The following PIBF1 variants were observed in gnomAD, a reference collection of about 807,000 sequenced individuals.
PIBF1 encodes the protein progesterone immunomodulatory binding factor 1, also known as progesterone-induced-blocking factor 1.
PIBF1 carries 90 observed loss-of-function variants against 112.5 expected under a neutral mutation model. The ratio of observed to expected loss-of-function variants is 0.80; its 90% CI spans 0.67 to 0.95. PIBF1 has a LOEUF of 0.95. PIBF1 is among the 40% of genes least tolerant of loss of function. The pLI is 0.00. For missense variants in PIBF1, 915 were observed against 852.3 expected (o/e 1.07, Z -0.92); for synonymous variants, 301 against 288.6 (o/e 1.04, Z -0.44).
rs1399745576 is a variant in PIBF1, at chr13:72,859,210, G to A, written c.1322+5055G>A. 2.6e-5 allele frequency among the ~76,000 whole-genome samples: 4 copies of A among 152,148 alleles called. No homozygotes were observed. The East Asian group carries it at 7.7e-4, about 29-fold the overall frequency. ...TGCTGAAAGAAGCAAGTATCACCAA[G>A]AGTTAGGATGGGTTCTCTAAAAATA... On this transcript the variant is annotated intron_variant, in intron 10 of 17. Coordinates refer to ENST00000326291, the MANE Select transcript of PIBF1 (RefSeq NM_006346.4).
At chr13:72,944,862 G>A (rs796101243) in intron 14 of PIBF1, among the ~76,000 whole-genome samples, 27 of 152,212 alleles carry the variant, frequency 1.8e-4, no homozygotes, top group African/African-American at 5.8e-4. Context: ...TGCCTCCCTG[G>A]TTCAAGCGAT....
At chr13:72,956,559 A>ATCTG (rs2138875432) in intron 14 of PIBF1, among the ~76,000 whole-genome samples, 1 of 152,296 alleles carries the variant, frequency 6.6e-6, no homozygotes, top group South Asian at 2.1e-4. Flanking sequence ...AATTTGATCT[A>ATCTG]TCTGTGGCAT....
At chr13:72,796,018 T>G (rs1162986868) in intron 4 of PIBF1, among the ~76,000 whole-genome samples, 1 of 152,180 alleles carries the variant, frequency 6.6e-6, no homozygotes, top group African/African-American at 2.4e-5. Context: ...CTCAAATATT[T>G]TGGTGTCAGC....
intron 5 of PIBF1, among the ~76,000 whole-genome samples, chr13:72,798,949 A>G (rs1010557142): frequency 2.6e-5 from 4 of 152,202 alleles, no homozygotes; most frequent in Non-Finnish European, 4.4e-5. Context: ...TATTCTGAGC[A>G]TGTGTACTGA....
intron 6 of PIBF1, among the ~76,000 whole-genome samples, chr13:72,825,863 T>C (rs1280725809): frequency 6.8e-6 from 1 of 147,328 alleles, no homozygotes; most frequent in East Asian, 2.0e-4. Flanking sequence ...CCCAGGACTT[T>C]AAGACTAGCC....
chr13:72,934,737 T>G (rs1418909193), intron 14 of PIBF1, among the ~76,000 whole-genome samples: 5 of 152,170 alleles, frequency 3.3e-5, no homozygotes, highest in Non-Finnish European at 1.5e-5. Context: ...TTTATTGAAG[T>G]ATAATTGATA....
intron 14 of PIBF1, among the ~76,000 whole-genome samples, chr13:72,949,939 A>T (rs1594255250): frequency 6.6e-6 from 1 of 152,216 alleles, no homozygotes; most frequent in Admixed American, 6.5e-5. Context: ...ATTATAAAGG[A>T]TACTAGAGAA....
intron 5 of PIBF1, among the ~76,000 whole-genome samples, chr13:72,809,834 C>G (rs536615940): frequency 6.6e-5 from 10 of 152,102 alleles, no homozygotes; most frequent in Admixed American, 2.6e-4. Context: ...AGCGATCTGC[C>G]TGCCCTGGCC....
intron 16 of PIBF1, among the ~76,000 whole-genome samples, chr13:72,995,611 C>G (rs888284686): frequency 3.7e-4 from 56 of 152,014 alleles, no homozygotes; most frequent in African/African-American, 1.4e-3. Context: ...ATATGTTTTA[C>G]CATAAGCCAG....
At chr13:73,014,665 G>A (rs1422943568) in intron 17 of PIBF1, among the ~76,000 whole-genome samples, 6 of 152,068 alleles carry the variant, frequency 3.9e-5, no homozygotes, top group Admixed American at 1.3e-4. Context: ...GTGTGGAGCC[G>A]GAGAGTATAT....
At chr13:72,885,186 C>T (rs1312900456) in intron 10 of PIBF1, among the ~76,000 whole-genome samples, 1 of 152,008 alleles carries the variant, frequency 6.6e-6, no homozygotes, top group East Asian at 1.9e-4. Context: ...TAGCCATTAT[C>T]CACACTGTAT....
intron 13 of PIBF1, among the ~76,000 whole-genome samples, chr13:72,928,619 T>C (rs1450340804): frequency 1.3e-5 from 2 of 152,096 alleles, no homozygotes; most frequent in East Asian, 1.9e-4. Flanking sequence ...TTTGTATTTT[T>C]AGTAGAGACA....
intron 10 of PIBF1, among the ~76,000 whole-genome samples, chr13:72,856,481 GA>G (rs887875845): frequency 6.6e-6 from 1 of 151,758 alleles, no homozygotes; most frequent in African/African-American, 2.4e-5. Context: ...TCAAGACAAG[GA>G]AAAAAAGGTG....
chr13:72,792,557 G>A lies in PIBF1; in HGVS notation c.353+10G>A. 1 of 1,236,142 alleles carries A rather than the reference G, an allele frequency of 8.1e-7. No individual in the cohort carries two copies. Among genetic ancestry groups the A allele is most frequent in the Non-Finnish European group, 1.1e-6 (1 of 887,862 alleles). The allele number at this position is 1,236,142 out of a possible 1,614,324, so 76.6% of individuals were successfully genotyped here. On this transcript the variant is annotated intron_variant, in intron 3 of 17. Transcript: ENST00000326291. ...AACAGAAAGATGCCAGGTAAGAAAA[G>A]TTTTTTTTAAAAAAAAAACAACATC... is the stretch of plus-strand genomic sequence containing the variant.
chr13:72,903,539 G>A (rs1325308754), intron 11 of PIBF1, among the ~76,000 whole-genome samples: 1 of 152,168 alleles, frequency 6.6e-6, no homozygotes, highest in Non-Finnish European at 1.5e-5. Context: ...CTTGCCACGT[G>A]TGATCATTTA....
At chr13:72,982,524 C>T (rs192759743) in intron 16 of PIBF1, among the ~76,000 whole-genome samples, 2 of 152,250 alleles carry the variant, frequency 1.3e-5, no homozygotes, top group African/African-American at 4.8e-5. Flanking sequence ...CCTTTTCTAC[C>T]TCATTCCTAT....
chr13:72,812,590 C>T (rs975331642), intron 5 of PIBF1, among the ~76,000 whole-genome samples: 12 of 151,978 alleles, frequency 7.9e-5, no homozygotes, highest in African/African-American at 2.9e-4. Context: ...AAACTCCAGC[C>T]TGGCCAACAT....
intron 10 of PIBF1, among the ~76,000 whole-genome samples, chr13:72,890,729 A>G (rs888974384): frequency 6.6e-6 from 1 of 152,196 alleles, no homozygotes; most frequent in East Asian, 1.9e-4. Flanking sequence ...GAGAAGTCTG[A>G]GTCAACAAAG....
chr13:72,830,904 A>AT (rs1217926247), intron 8 of PIBF1, among the ~76,000 whole-genome samples: 9 of 151,242 alleles, frequency 6.0e-5, no homozygotes, highest in South Asian at 4.2e-4. Context: ...CTCATCCTGG[A>AT]TTTTTTTTTG....
Sources: gnomAD v4.1 joint callset for allele counts (sites outside exome capture counted in the v4.1 genomes callset) on GRCh38, gnomAD v4.1.1 for gene constraint, MANE v1.5 for transcripts, NCBI Gene and HGNC (gene_info 2026-07-23, HGNC 2026-07-21) for gene names.